Variants in MYO5C observed in about 807,000 individuals in gnomAD.
MYO5C encodes the protein unconventional myosin-Vc.
In MYO5C, 194 loss-of-function variants were observed where a neutral mutation model predicts 235.7. The ratio of observed to expected loss-of-function variants is 0.82; its 90% CI spans 0.73 to 0.93. MYO5C has a LOEUF of 0.93. MYO5C is among the 40% of genes least tolerant of loss of function. The pLI, the probability that MYO5C is intolerant of heterozygous loss-of-function variation, is 0.00. For missense variants in MYO5C, 2,038 were observed against 2,127.2 expected (o/e 0.96, Z 0.82); for synonymous variants, 707 against 754.8 (o/e 0.94, Z 1.04).
intron 38 of MYO5C, 78 bp downstream of exon 38, chr15:52,204,787 C>A: frequency 6.6e-7 from 1 of 1,512,234 alleles, no homozygotes; most frequent in East Asian, 2.3e-5. Flanking sequence ...CAGGGAGGGT[C>A]AGGCGCGTGG....
chr15:52,256,601 G>C, intron 11 of MYO5C, 38 bp downstream of exon 11: 1 of 1,496,702 alleles, frequency 6.7e-7, no homozygotes, highest in South Asian at 1.2e-5. Context: ...GCGCGCGCGC[G>C]GCTGAGAACT....
At chr15:52,259,751 C>G (rs754553839) in intron 10 of MYO5C, among the ~76,000 whole-genome samples, 9 of 152,230 alleles carry the variant, frequency 5.9e-5, no homozygotes, top group Non-Finnish European at 8.8e-5. Context: ...CTAAATTAAA[C>G]AAAGCAGCTC....
chr15:52,263,051 A>G (rs1272204790), intron 9 of MYO5C, among the ~76,000 whole-genome samples: 13 of 152,184 alleles, frequency 8.5e-5, no homozygotes, highest in Non-Finnish European at 1.9e-4. Context: ...TCTAGGAGCC[A>G]GGCAGAAAGT....
At chr15:52,275,541 G>A (rs1310032482) in intron 5 of MYO5C, 21 bp downstream of exon 5, 2 of 1,613,158 alleles carry the variant, frequency 1.2e-6, no homozygotes, top group East Asian at 2.2e-5. Flanking sequence ...ACACCCAGCT[G>A]CCTTCCGCAG....
At chr15:52,198,555 TTTGTTGTTG>T (rs557450240) in intron 38 of MYO5C, among the ~76,000 whole-genome samples, 1 of 152,070 alleles carries the variant, frequency 6.6e-6, no homozygotes, top group Non-Finnish European at 1.5e-5. Flanking sequence ...TTGCTTAGTT[TTTGTTGTTG>T]TTGTTGTTGC....
intron 18 of MYO5C, 59 bp from the exon 19 acceptor site, chr15:52,244,626 T>C (rs1199009541): frequency 7.0e-6 from 9 of 1,284,612 alleles, no homozygotes; most frequent in Non-Finnish European, 8.7e-6. Flanking sequence ...TATAATACAG[T>C]ATTTGGAAAA....
intron 2 of MYO5C, among the ~76,000 whole-genome samples, chr15:52,282,452 G>A (rs565636860): frequency 1.3e-5 from 2 of 152,284 alleles, no homozygotes; most frequent in East Asian, 3.9e-4. Flanking sequence ...TGAGACTCAG[G>A]AAGCCAAAAT....
intron 16 of MYO5C, among the ~76,000 whole-genome samples, chr15:52,246,540 G>A (rs2036348706): frequency 6.6e-6 from 1 of 152,078 alleles, no homozygotes; most frequent in Admixed American, 6.5e-5. Flanking sequence ...CACAAGCTTT[G>A]GGTCTCCTCC....
rs1260741198 is a variant in MYO5C at position 52,205,132 on chromosome 15, T to G, written c.4553A>C (p.Glu1518Ala). 5.6e-6 allele frequency: 9 copies of G among 1,613,730 alleles called. No homozygotes were observed. Among genetic ancestry groups the G allele is most frequent in the Admixed American group, 3.3e-5 (2 of 60,002 alleles). ...GGAAATGCCCTGCAGGCTCTCATACTCCAGCATTCCCGGAACTGCGGAGAG... is the reference window on the plus strand; with the variant it reads ...GGAAATGCCCTGCAGGCTCTCATACGCCAGCATTCCCGGAACTGCGGAGAG... Reference protein sequence around the residue: ...IQPIIVPGMLEYESLQGISGL... With the variant: ...IQPIIVPGMLAYESLQGISGL... Residue 1518 changes from glutamate (E) to alanine (A), a missense_variant, in exon 38 of 41, where the codon GAG becomes GCG. Transcript: ENST00000261839.
At chr15:52,242,386 G>A (rs2036245441) in intron 19 of MYO5C, 173 bp from the exon 20 acceptor site, 7 of 664,328 alleles carry the variant, frequency 1.1e-5, no homozygotes, top group African/African-American at 1.8e-5. Context: ...CCAGTCCCCA[G>A]TTCCCTGTCC....
chr15:52,212,450 T>TC (rs1259809479), intron 34 of MYO5C, among the ~76,000 whole-genome samples: 1 of 152,004 alleles, frequency 6.6e-6, no homozygotes, highest in Non-Finnish European at 1.5e-5. Flanking sequence ...AAGAAGAGGC[T>TC]CACACTGCAT....
At chr15:52,235,174 T>C (rs1349968336) in intron 23 of MYO5C, among the ~76,000 whole-genome samples, 1 of 152,224 alleles carries the variant, frequency 6.6e-6, no homozygotes, top group African/African-American at 2.4e-5. Flanking sequence ...GCAGAGGACA[T>C]GGGTGTCACT....
intron 11 of MYO5C, among the ~76,000 whole-genome samples, chr15:52,254,119 G>A (rs2036532269): frequency 1.3e-5 from 2 of 152,200 alleles, no homozygotes; most frequent in South Asian, 4.1e-4. Context: ...CAGGAGGACA[G>A]CAGCAATGTG....
At chr15:52,280,580 C>T (rs962861847) in intron 2 of MYO5C, among the ~76,000 whole-genome samples, 1 of 152,166 alleles carries the variant, frequency 6.6e-6, no homozygotes, top group Non-Finnish European at 1.5e-5. Flanking sequence ...TTCCACCTTC[C>T]TAGGCCGCCT....
intron 36 of MYO5C, among the ~76,000 whole-genome samples, chr15:52,207,156 A>C (rs1342219269): frequency 5.3e-5 from 8 of 152,180 alleles, no homozygotes; most frequent in Non-Finnish European, 1.5e-5. Flanking sequence ...GAAAAAAAAA[A>C]AAGAACAGGA....
At chr15:52,247,777 C>A (rs2036384991) in intron 14 of MYO5C, among the ~76,000 whole-genome samples, 185 bp from the exon 15 acceptor site, 1 of 152,214 alleles carries the variant, frequency 6.6e-6, no homozygotes, top group Admixed American at 6.5e-5. Context: ...CCCGTGACTT[C>A]TTTCCCGAGA....
chr15:52,193,921 C>G lies in MYO5C; in HGVS notation c.5210G>C (p.Gly1737Ala). The stretch of plus-strand genomic sequence containing the variant: ...CTCCTGCTATAACCTATTCAGAAAG[C>G]CTAGCTTGAAACTGCTGGGGATCTG... ...MIQIPSSFKL[G>A]FLNRL The change falls in exon 41 of 41, where the codon GGC (glycine) becomes GCC (alanine). Residue 1737 changes from glycine (G) to alanine (A), a missense_variant. Transcript: ENST00000261839. 1.2e-6 allele frequency: 2 copies of G among 1,612,750 alleles called. No homozygotes were observed. The highest frequency in any genetic ancestry group is 2.2e-5 in the East Asian group (1 of 44,784).
intron 38 of MYO5C, among the ~76,000 whole-genome samples, chr15:52,198,743 G>C (rs1024363935): frequency 7.2e-5 from 11 of 151,842 alleles, no homozygotes; most frequent in African/African-American, 2.7e-4. Flanking sequence ...CACCACGCCT[G>C]GCTAATTTTT....
intron 22 of MYO5C, among the ~76,000 whole-genome samples, 188 bp from the exon 23 acceptor site, chr15:52,235,951 C>T (rs959838760): frequency 6.6e-6 from 1 of 152,188 alleles, no homozygotes; most frequent in African/African-American, 2.4e-5. Flanking sequence ...AAGAGCTCAA[C>T]GTGACTTCAA....
Sources: allele counts gnomAD v4.1 joint callset (sites outside exome capture counted in the v4.1 genomes callset), GRCh38; gene constraint gnomAD v4.1.1; transcripts MANE v1.5; gene names NCBI Gene and HGNC (gene_info 2026-07-23, HGNC 2026-07-21).